Variants in ZMIZ1 observed in about 807,000 individuals in gnomAD.
ZMIZ1 encodes the protein zinc finger MIZ-type containing 1.
ZMIZ1 carries 17 observed loss-of-function variants against 113.9 expected under a neutral mutation model. The ratio of observed to expected loss-of-function variants is 0.15; its 90% confidence interval spans 0.10 to 0.22. ZMIZ1 has a LOEUF of 0.22. ZMIZ1 is among the 10% of genes least tolerant of loss of function. ZMIZ1 has a pLI of 1.00. For missense variants in ZMIZ1, 1,059 were observed against 1,477.8 expected (o/e 0.72, Z 4.65); for synonymous variants, 607 against 603.1 (o/e 1.01, Z -0.09).
chr10:79,207,687 G>A (rs1370539450), intron 5 of ZMIZ1, among the ~76,000 whole-genome samples: 3 of 152,186 alleles, frequency 2.0e-5, no homozygotes, highest in Admixed American at 6.5e-5. Flanking sequence ...GGCCCAGTAC[G>A]TCACACACAG....
chr10:79,308,791 AC>A (rs1564607968), intron 23 of ZMIZ1, among the ~76,000 whole-genome samples: 2 of 151,692 alleles, frequency 1.3e-5, no homozygotes, highest in South Asian at 2.1e-4. Context: ...CCAAAATCAC[AC>A]CCCCCGACAC....
intron 7 of ZMIZ1, chr10:79,243,683 C>G (rs970926370): frequency 3.9e-5 from 12 of 307,704 alleles, no homozygotes; most frequent in Non-Finnish European, 6.5e-5. Context: ...CGCCGCCGGC[C>G]GGGCCCCAAG....
At chr10:79,165,765 G>A (rs1276008390) in intron 4 of ZMIZ1, among the ~76,000 whole-genome samples, 5 of 152,114 alleles carry the variant, frequency 3.3e-5, no homozygotes, top group African/African-American at 9.7e-5. Context: ...TGGATTTGGC[G>A]GCCATGCCTC....
At chr10:79,253,387 C>G (rs1047759543) in intron 7 of ZMIZ1, among the ~76,000 whole-genome samples, 4 of 152,164 alleles carry the variant, frequency 2.6e-5, no homozygotes, top group Non-Finnish European at 4.4e-5. Context: ...AGGAGGGGCA[C>G]ATGGGGAACT....
At chr10:79,161,903 G>C (rs1166282361) in intron 3 of ZMIZ1, 150 bp from the exon 4 acceptor site, 4 of 397,938 alleles carry the variant, frequency 1.0e-5, no homozygotes, top group African/African-American at 6.2e-5. Context: ...GGGGAGTCAG[G>C]GGCCTGTTTA....
At chr10:79,149,277 C>T (rs555366372) in intron 3 of ZMIZ1, among the ~76,000 whole-genome samples, 107 of 152,326 alleles carry the variant, frequency 7.0e-4, no homozygotes, top group African/African-American at 2.4e-3. Context: ...GGTGGGCTGT[C>T]GGCCAGCTGG....
intron 7 of ZMIZ1, among the ~76,000 whole-genome samples, chr10:79,234,974 T>A (rs1349105882): frequency 6.6e-6 from 1 of 152,226 alleles, no homozygotes; most frequent in Non-Finnish European, 1.5e-5. Flanking sequence ...CAAGCCCCTT[T>A]CCAGGTAGCA....
intron 2 of ZMIZ1, among the ~76,000 whole-genome samples, chr10:79,136,236 A>T (rs1845002759): frequency 6.6e-6 from 1 of 152,228 alleles, no homozygotes; most frequent in African/African-American, 2.4e-5. Flanking sequence ...ACAACAGGCC[A>T]TGTGACTTTT....
intron 22 of ZMIZ1, 118 bp from the exon 23 acceptor site, chr10:79,307,287 C>A (rs750761646): frequency 9.4e-7 from 1 of 1,062,624 alleles, no homozygotes; most frequent in African/African-American, 1.6e-5. Context: ...CTGTGACCTA[C>A]TACAGCCTCG....
intron 6 of ZMIZ1, among the ~76,000 whole-genome samples, chr10:79,209,357 A>G (rs1038712635): frequency 2.0e-5 from 3 of 152,230 alleles, no homozygotes; most frequent in Non-Finnish European, 4.4e-5. Flanking sequence ...CGGCCAGGCT[A>G]AGGAGCTTGC....
At chr10:79,112,709 A>C (rs1010546704) in intron 1 of ZMIZ1, among the ~76,000 whole-genome samples, 3 of 152,226 alleles carry the variant, frequency 2.0e-5, no homozygotes, top group African/African-American at 7.2e-5. Context: ...CCGTTCCTGC[A>C]GATCTAAGGA....
intron 2 of ZMIZ1, among the ~76,000 whole-genome samples, chr10:79,137,738 C>A (rs1166832882): frequency 6.6e-6 from 1 of 152,086 alleles, no homozygotes; most frequent in Admixed American, 6.5e-5. Flanking sequence ...TGTACTAGAC[C>A]CATCTCTCTC....
At chr10:79,128,435 C>T (rs1274720853) in intron 2 of ZMIZ1, among the ~76,000 whole-genome samples, 2 of 152,212 alleles carry the variant, frequency 1.3e-5, no homozygotes, top group African/African-American at 2.4e-5. Context: ...AGCACATTTC[C>T]AAGCCTCTCT....
In ZMIZ1 at chr10:79,296,452, C is replaced by G. The variant is rs889841870; in HGVS notation, c.1231-19C>G. ...GCAACATTGAACGTGTTTCCCCTCT[C>G]CTTTCTCTCCCACCACAGCCCAACT... On this transcript the variant is annotated intron_variant, in intron 12 of 24. Transcript: ENST00000334512. This position sits in a 1 kb window ranked among gnomAD's most constrained non-coding sequence, Gnocchi z 4.1. The G allele has an allele frequency of 2.5e-6, 4 of 1,613,488 alleles. No individual in the cohort carries two copies. The Admixed American group carries it at 6.7e-5, about 27-fold the overall frequency.
intron 1 of ZMIZ1, among the ~76,000 whole-genome samples, chr10:79,093,814 C>T (rs1177377974): frequency 6.6e-6 from 1 of 152,206 alleles, no homozygotes; most frequent in Admixed American, 6.5e-5. Context: ...CCATCCCTGC[C>T]GCAAGCACTC....
intron 1 of ZMIZ1, among the ~76,000 whole-genome samples, chr10:79,081,843 A>G (rs1177476369): frequency 6.6e-6 from 1 of 152,250 alleles, no homozygotes; most frequent in East Asian, 1.9e-4. Flanking sequence ...GCTGTCCAGT[A>G]TCACTGCATC....
At chr10:79,190,470 G>T (rs1359557926) in intron 4 of ZMIZ1, among the ~76,000 whole-genome samples, 1 of 152,242 alleles carries the variant, frequency 6.6e-6, no homozygotes, top group Non-Finnish European at 1.5e-5. Context: ...CCAGATCTAA[G>T]CCATGAGGAC....
intron 2 of ZMIZ1, among the ~76,000 whole-genome samples, chr10:79,122,069 G>A (rs1341266059): frequency 6.6e-6 from 1 of 152,088 alleles, no homozygotes; most frequent in Non-Finnish European, 1.5e-5. Flanking sequence ...TAAGCTTGTG[G>A]CCCTGTGTGA....
intron 7 of ZMIZ1, among the ~76,000 whole-genome samples, chr10:79,254,769 G>A (rs964185560): frequency 4.6e-5 from 7 of 152,226 alleles, no homozygotes; most frequent in Admixed American, 1.3e-4. Context: ...GTGGGTGAGG[G>A]TGCCAGGCAA....
Sources: allele counts gnomAD v4.1 joint callset (sites outside exome capture counted in the v4.1 genomes callset), GRCh38; gene constraint gnomAD v4.1.1; non-coding constraint Gnocchi (gnomAD v3.1); transcripts MANE v1.5; gene names NCBI Gene and HGNC (gene_info 2026-07-23, HGNC 2026-07-21).